The following REV1 variants were observed in gnomAD, a reference collection of about 807,000 sequenced individuals.
REV1 encodes translesion synthesis protein REV1.
In REV1, 42 loss-of-function variants were observed where a neutral mutation model predicts 137.4. The ratio of observed to expected loss-of-function variants is 0.31; its 90% CI spans 0.24 to 0.40. REV1 has a LOEUF of 0.40. Among genes scored for constraint, REV1 ranks in the 10% least tolerant of loss-of-function variants. The pLI is 1.00. For synonymous variants in REV1, 524 were observed against 519.2 expected, an observed-to-expected ratio of 1.01 and a Z score of -0.12; for missense variants, 1,282 against 1,490.1, an observed-to-expected ratio of 0.86 and a Z score of 2.30.
intron 14 of REV1, among the ~76,000 whole-genome samples, chr2:99,408,921 T>C (rs2104431842): frequency 6.6e-6 from 1 of 152,290 alleles, no homozygotes; most frequent in South Asian, 2.1e-4. Context: ...CAGAAAAAAT[T>C]ATTATAAATT....
intron 4 of REV1, among the ~76,000 whole-genome samples, chr2:99,448,805 T>C (rs776278763): frequency 6.6e-6 from 1 of 152,168 alleles, no homozygotes; most frequent in Non-Finnish European, 1.5e-5. Flanking sequence ...CCTTCTCCCA[T>C]AACTGCTTCC....
At chr2:99,489,099 C>G (rs1290127782) in intron 1 of REV1, among the ~76,000 whole-genome samples, 1 of 152,148 alleles carries the variant, frequency 6.6e-6, no homozygotes, top group Non-Finnish European at 1.5e-5. Flanking sequence ...CAGCGCGGCT[C>G]GGTGCGCCCA....
Position 99,401,130 on chromosome 2 carries a change from A to G in REV1, c.*111T>C. ...AGAAATGTACAAAACACTTGCTTTA[A>G]AAGAAATTTAAAATTATAAAAACTC... is the stretch of plus-strand genomic sequence containing the variant. On this transcript the variant is annotated 3_prime_UTR_variant, in exon 23 of 23. Transcript: ENST00000258428. 1 of 580,548 alleles carries G rather than the reference A, an allele frequency of 1.7e-6. No homozygotes were observed. The highest frequency in any genetic ancestry group is 3.3e-5 in the South Asian group (1 of 30,152). The allele number at this position is 580,548 out of a possible 1,614,324, so 36.0% of individuals were successfully genotyped here.
rs1323850847 is a variant in REV1, at chr2:99,402,686, C to T, written c.3499G>A (p.Asp1167Asn). Residue 1167 changes from aspartate (D) to asparagine (N), a missense_variant, in exon 21 of 23, where the codon GAT becomes AAT. By Grantham distance (23) the Asp-to-Asn change is conservative. This residue lies in a region of REV1 where 170 missense variants were observed against 156.8 expected (regional missense o/e 1.08). Transcript: ENST00000258428. Reference protein sequence around the residue: ...PNLAGAVEFNDVKTLLREWIT... With the variant: ...PNLAGAVEFNNVKTLLREWIT... ...CATTCTCTGAGCAAGGTCTTCACAT[C>T]ATTGAATTCAACAGCTCCAGCTAGA... is the stretch of plus-strand genomic sequence containing the variant. 2.5e-6 allele frequency: 4 copies of T among 1,614,204 alleles called. No individual in the cohort carries two copies. Among genetic ancestry groups the T allele is most frequent in the Non-Finnish European group, 3.4e-6 (4 of 1,180,034 alleles).
At chr2:99,414,944 G>A (rs1363626225) in intron 12 of REV1, among the ~76,000 whole-genome samples, 1 of 152,214 alleles carries the variant, frequency 6.6e-6, no homozygotes, top group Non-Finnish European at 1.5e-5. Flanking sequence ...GCAAAGGAAA[G>A]GCTATATTAA....
At chr2:99,444,116 A>G (rs1681876774) in intron 4 of REV1, among the ~76,000 whole-genome samples, 2 of 152,158 alleles carry the variant, frequency 1.3e-5, no homozygotes, top group African/African-American at 4.8e-5. Context: ...CACCGCGCCC[A>G]GCCCTTTTCT....
intron 17 of REV1, 55 bp from the exon 18 acceptor site, chr2:99,404,732 G>T: frequency 8.4e-7 from 1 of 1,189,798 alleles, no homozygotes; most frequent in Non-Finnish European, 1.2e-6. Flanking sequence ...GAGATGAGGT[G>T]TTTGGGAGTT....
At chr2:99,479,909 T>C (rs13430962) in intron 1 of REV1, among the ~76,000 whole-genome samples, 24,755 of 151,940 alleles carry the variant, frequency 0.16, 2,538 homozygotes, top group African/African-American at 0.27. Flanking sequence ...CACTGAGAGG[T>C]AGATCTGAAC....
intron 22 of REV1, 124 bp from the exon 23 acceptor site, chr2:99,401,476 G>A (rs1675400273): frequency 1.2e-5 from 7 of 591,252 alleles, no homozygotes; most frequent in South Asian, 9.3e-5. Context: ...CAGGTGCGGT[G>A]TGGCTCATGC....
At chr2:99,447,730 T>C (rs1429316297) in intron 4 of REV1, among the ~76,000 whole-genome samples, 2 of 151,802 alleles carry the variant, frequency 1.3e-5, no homozygotes, top group Admixed American at 6.6e-5. Flanking sequence ...TTTTTTTTTT[T>C]CTTTTTCCTG....
rs551140241 is a variant in REV1 at position 99,406,700 on chromosome 2, T to TAA, written c.2449-211_2449-210insTT. 424 of 379,588 alleles carry TAA rather than the reference T, an allele frequency of 1.1e-3. 4 individuals carry two copies. The highest frequency in any genetic ancestry group is 8.3e-3 in the African/African-American group (402 of 48,240). 23.5% of individuals were successfully genotyped at this position (379,588 alleles called of 1,614,324 possible). ...AGTGAGTGGTCATTCATCTCAAACT[T>TAA]CAGAGTATCCAATTCTCCCAAAATA... On this transcript the variant is annotated intron_variant, in intron 15 of 22. Coordinates refer to ENST00000258428, the MANE Select transcript of REV1 (RefSeq NM_016316.4).
rs1675677648 is a variant in REV1 at position 99,402,902 on chromosome 2, G to A, written c.3371C>T (p.Ala1124Val). The change falls in exon 20 of 23, where the codon GCA (alanine) becomes GTA (valine). Residue 1124 changes from alanine (A) to valine (V), a missense_variant. This residue lies in a region of REV1 where 170 missense variants were observed against 156.8 expected (regional missense o/e 1.08). Coordinates refer to ENST00000258428, the MANE Select transcript of REV1 (RefSeq NM_016316.4). Reference protein sequence around the residue: ...DGFLKHEGPPAEKPLEELSAS... With the variant: ...DGFLKHEGPPVEKPLEELSAS... ...TTAAGGAATTACCAGGGGTTTCTCT[G>A]CAGGAGGTCCTTCATGTTTTAGAAA... The A allele has an allele frequency of 1.2e-6, 2 of 1,613,718 alleles. No individual in the cohort carries two copies. Among genetic ancestry groups the A allele is most frequent in the Admixed American group, 1.7e-5 (1 of 59,926 alleles).
intron 2 of REV1, among the ~76,000 whole-genome samples, chr2:99,464,322 C>T (rs931550656): frequency 6.6e-6 from 1 of 151,966 alleles, no homozygotes; most frequent in Non-Finnish European, 1.5e-5. Context: ...ATTATTTTTG[C>T]TGATTATTAA....
At chr2:99,449,081 C>A (rs757559498) in intron 4 of REV1, among the ~76,000 whole-genome samples, 1 of 152,064 alleles carries the variant, frequency 6.6e-6, no homozygotes, top group Non-Finnish European at 1.5e-5. Context: ...TGAGACCAGT[C>A]TCGGCAACAT....
At chr2:99,439,344 T>C (rs1163935541) in intron 5 of REV1, 34 bp from the exon 6 acceptor site, 7 of 1,482,028 alleles carry the variant, frequency 4.7e-6, no homozygotes, top group Admixed American at 1.9e-5. Context: ...GTTAATAATA[T>C]CTGACTTTTA....
intron 1 of REV1, among the ~76,000 whole-genome samples, chr2:99,474,624 G>A (rs748492963): frequency 6.6e-6 from 1 of 152,140 alleles, no homozygotes; most frequent in Non-Finnish European, 1.5e-5. Flanking sequence ...AGCAGAAGTC[G>A]GGAGCGATGG....
At chr2:99,444,778 C>T (rs1048196656) in intron 4 of REV1, among the ~76,000 whole-genome samples, 1 of 152,140 alleles carries the variant, frequency 6.6e-6, no homozygotes, top group Non-Finnish European at 1.5e-5. Flanking sequence ...GAAACATTAT[C>T]TGAAAGCATA....
intron 10 of REV1, among the ~76,000 whole-genome samples, chr2:99,423,608 A>G (rs1678965570): frequency 6.6e-6 from 1 of 152,174 alleles, no homozygotes; most frequent in African/African-American, 2.4e-5. Flanking sequence ...TACATCTACA[A>G]TTTTAAATAT....
intron 17 of REV1, 130 bp downstream of exon 17, chr2:99,405,780 T>G (rs1444756490): frequency 1.7e-6 from 1 of 577,372 alleles, no homozygotes; most frequent in African/African-American, 1.9e-5. Flanking sequence ...CCCAAACAAG[T>G]GGCCCGTTCT....
Sources: gnomAD v4.1 joint callset for allele counts (sites outside exome capture counted in the v4.1 genomes callset) on GRCh38, gnomAD v4.1.1 for gene constraint, gnomAD v4.1.1 regional missense constraint, MANE v1.5 for transcripts, NCBI Gene and HGNC (gene_info 2026-07-23, HGNC 2026-07-21) for gene names.